DNAH3: variants seen among roughly 807,000 people sequenced by gnomAD.
DNAH3 encodes the protein dynein axonemal heavy chain 3.
A neutral mutation model predicts 432.5 loss-of-function variants in DNAH3; 332 were observed. That is an observed-to-expected ratio of 0.77 (90% CI 0.70 to 0.84). The LOEUF is 0.84. Ranked by LOEUF, DNAH3 falls within the 40% of genes least tolerant of loss-of-function variation. The pLI, the probability that DNAH3 is intolerant of heterozygous loss-of-function variation, is 0.00. For missense variants in DNAH3, 4,861 were observed against 5,114.0 expected, an observed-to-expected ratio of 0.95 and a Z score of 1.51; for synonymous variants, 1,956 against 1,900.2, an observed-to-expected ratio of 1.03 and a Z score of -0.76.
rs146777585 is a variant in DNAH3, at chr16:21,112,075, T to C, written c.1838A>G (p.Tyr613Cys). 68 of 1,612,536 alleles carry C rather than the reference T, an allele frequency of 4.2e-5. No individual in the cohort carries two copies. In the African/African-American group the frequency reaches 7.5e-4, roughly 18 times the overall value. ...TGCCGTGTTATCCAATAAGTCAACA[T>C]ACTTTTTGTAGACATTTAAATATCT... The change falls in exon 13 of 62, where the codon TAT becomes TGT. Residue 613 changes from tyrosine (Y) to cysteine (C), a missense_variant. Coordinates refer to ENST00000261383, the Ensembl canonical transcript of DNAH3.
intron 44 of DNAH3, among the ~76,000 whole-genome samples, chr16:20,992,892 G>T (rs2086616905): frequency 6.6e-6 from 1 of 152,100 alleles, no homozygotes. Context: ...TTGAGACAGA[G>T]TCTCACTTTG....
intron 1 of DNAH3, among the ~76,000 whole-genome samples, chr16:21,151,545 C>T (rs1428324098): frequency 6.6e-6 from 1 of 151,994 alleles, no homozygotes; most frequent in Non-Finnish European, 1.5e-5. Context: ...ATCCGCCCAC[C>T]TCGGCCTCCC....
intron 14 of DNAH3, among the ~76,000 whole-genome samples, chr16:21,107,333 G>A (rs530472627): frequency 2.8e-5 from 4 of 143,686 alleles, no homozygotes; most frequent in Admixed American, 7.5e-5. Context: ...TCTGCTTCCC[G>A]GGCTCAAGCA....
chr16:21,123,480 CT>C (rs1249313776), intron 9 of DNAH3, among the ~76,000 whole-genome samples: 3 of 152,168 alleles, frequency 2.0e-5, no homozygotes, highest in Non-Finnish European at 2.9e-5. Flanking sequence ...GCTTCCACCC[CT>C]GGGTTTCTTA....
At chr16:20,985,011 C>T in intron 48 of DNAH3, 38 bp downstream of exon 48, 1 of 1,533,956 alleles carries the variant, frequency 6.5e-7, no homozygotes, top group Non-Finnish European at 8.8e-7. Context: ...CCAAAACACC[C>T]AGAAGAACAA....
Position 20,963,409 on chromosome 16 carries a change from A to G in DNAH3, c.10475T>C (p.Ile3492Thr), listed in dbSNP as rs1436408514. Residue 3492 changes from isoleucine to threonine, a missense_variant, in exon 53 of 62, where the codon ATT (isoleucine) becomes ACT (threonine). Physicochemically the swap from Ile to Thr is moderately conservative, Grantham distance 89. Transcript: ENST00000261383. Reference sequence around the variant, plus strand: ...ATACAGCTTTCCCATATGTTCAGCAATGAACTCCCGGACCGCTGGCACCAT... The same window carrying G: ...ATACAGCTTTCCCATATGTTCAGCAGTGAACTCCCGGACCGCTGGCACCAT... 1.1e-5 allele frequency: 18 copies of G among 1,614,128 alleles called. No homozygotes were observed. The South Asian group carries it at 2.0e-4, about 18-fold the overall frequency.
chr16:21,079,771 C>G (rs895507502), intron 20 of DNAH3, among the ~76,000 whole-genome samples: 2 of 152,206 alleles, frequency 1.3e-5, no homozygotes, highest in African/African-American at 4.8e-5. Context: ...GCCAAAAAAC[C>G]TAAGGGTTTT....
chr16:21,122,509 G>A (rs904065678), intron 9 of DNAH3, among the ~76,000 whole-genome samples: 5 of 152,096 alleles, frequency 3.3e-5, no homozygotes, highest in Non-Finnish European at 7.4e-5. Context: ...GTGAGATCAC[G>A]CCGTTACACT....
exon 62 of DNAH3, chr16:20,933,290 G>C: frequency 6.2e-7 from 1 of 1,614,196 alleles, no homozygotes; most frequent in Non-Finnish European, 8.5e-7. Flanking sequence ...GCGGGCACTT[G>C]TTTTGTAGAC....
At chr16:21,022,991 G>A (rs923969513) in intron 39 of DNAH3, among the ~76,000 whole-genome samples, 4 of 151,954 alleles carry the variant, frequency 2.6e-5, no homozygotes, top group Admixed American at 2.0e-4. Flanking sequence ...CAAGTGATCC[G>A]CCCACCTCAG....
chr16:21,059,958 T>C (rs574157002), intron 26 of DNAH3, among the ~76,000 whole-genome samples: 8 of 152,292 alleles, frequency 5.3e-5, no homozygotes, highest in African/African-American at 1.9e-4. Context: ...AAATGAATTA[T>C]TAATTGGAAG....
At chr16:20,997,533 T>A in intron 43 of DNAH3, 71 bp from the exon 44 acceptor site, 1 of 1,533,426 alleles carries the variant, frequency 6.5e-7, no homozygotes, top group Non-Finnish European at 8.9e-7. Flanking sequence ...AGGTAACAGA[T>A]GGCAATTCCC....
chr16:20,995,079 G>A (rs2086707461), intron 44 of DNAH3, among the ~76,000 whole-genome samples: 1 of 152,032 alleles, frequency 6.6e-6, no homozygotes, highest in Admixed American at 6.6e-5. Flanking sequence ...GGGACTACAG[G>A]TGCATGCCAC....
chr16:20,944,776 G>GACACACACACACAC (rs71377697), intron 57 of DNAH3, 113 bp from the exon 58 acceptor site: 4 of 702,100 alleles, frequency 5.7e-6, no homozygotes, highest in African/African-American at 1.8e-5. Flanking sequence ...AGTAGCACAG[G>GACACACACACACAC]ACACACACAC....
intron 22 of DNAH3, among the ~76,000 whole-genome samples, chr16:21,070,245 T>G (rs972921047): frequency 6.6e-6 from 1 of 152,194 alleles, no homozygotes; most frequent in Non-Finnish European, 1.5e-5. Context: ...CTTTCTTGGA[T>G]GGTTATTGCT....
At chr16:21,042,155 C>T in exon 32 of DNAH3, 2 of 1,612,452 alleles carry the variant, frequency 1.2e-6, no homozygotes, top group Non-Finnish European at 1.7e-6. Flanking sequence ...CGAATGATGG[C>T]TTGTTGGATG....
chr16:21,048,122 T>C (rs1303682272), intron 31 of DNAH3, among the ~76,000 whole-genome samples: 48 of 152,372 alleles, frequency 3.2e-4, no homozygotes, highest in Admixed American at 3.1e-3. Flanking sequence ...GTTACTGCTG[T>C]CTTTTTGTTT....
At chr16:21,007,118 A>G (rs2087344094) in intron 41 of DNAH3, among the ~76,000 whole-genome samples, 1 of 152,034 alleles carries the variant, frequency 6.6e-6, no homozygotes, top group Admixed American at 6.6e-5. Context: ...TAGTTATTGT[A>G]AAGTAAGTAT....
intron 1 of DNAH3, among the ~76,000 whole-genome samples, chr16:21,154,203 AGACCAACCT>A (rs1240706860): frequency 2.6e-5 from 4 of 152,236 alleles, no homozygotes; most frequent in African/African-American, 9.6e-5. Context: ...CAGGGGTTCA[AGACCAACCT>A]GGCCAACATG....
Sources: allele counts gnomAD v4.1 joint callset (sites outside exome capture counted in the v4.1 genomes callset), GRCh38; gene constraint gnomAD v4.1.1; transcripts MANE v1.5; gene names NCBI Gene and HGNC (gene_info 2026-07-23, HGNC 2026-07-21).